Variants in CNBD1 observed in about 807,000 individuals in gnomAD.
CNBD1 encodes the protein cyclic nucleotide-binding domain-containing protein 1.
A neutral mutation model predicts 54.4 loss-of-function variants in CNBD1; 71 were observed. The observed-to-expected ratio is 1.30, with a 90% CI of 1.08 to 1.59. The LOEUF is 1.59. CNBD1 is among the 40% of genes most tolerant of loss of function. The probability of loss-of-function intolerance (pLI) is 0.00; values close to 1 mark genes in which losing one functional copy is unlikely to be tolerated. For synonymous variants in CNBD1, 182 were observed against 170.7 expected, an observed-to-expected ratio of 1.07 and a Z score of -0.51; for missense variants, 659 against 518.0, an observed-to-expected ratio of 1.27 and a Z score of -2.64.
chr8:87,390,471 C>T (rs1043014709), intron 2 of CNBD1, among the ~76,000 whole-genome samples: 1 of 152,106 alleles, frequency 6.6e-6, no homozygotes, highest in Non-Finnish European at 1.5e-5. Context: ...ATTTATGCAG[C>T]CAAAAGAAAC....
At chr8:87,129,270 G>C (rs1812067913) in intron 4 of CNBD1, among the ~76,000 whole-genome samples, 1 of 151,764 alleles carries the variant, frequency 6.6e-6, no homozygotes, top group Non-Finnish European at 1.5e-5. Flanking sequence ...TGTTGGTAGG[G>C]TTTACCAGAA....
intron 6 of CNBD1, among the ~76,000 whole-genome samples, chr8:87,264,872 T>C (rs1369685778): frequency 6.6e-6 from 1 of 152,174 alleles, no homozygotes; most frequent in Non-Finnish European, 1.5e-5. Context: ...GTAAATTTGT[T>C]TAAGTTCTTT....
At chr8:87,272,107 G>A (rs1252402829) in intron 6 of CNBD1, among the ~76,000 whole-genome samples, 1 of 151,780 alleles carries the variant, frequency 6.6e-6, no homozygotes, top group Non-Finnish European at 1.5e-5. Context: ...GGTGATGTGT[G>A]GTGAAGAGAG....
At chr8:87,234,044 A>G (rs1807520737) in intron 5 of CNBD1, among the ~76,000 whole-genome samples, 1 of 152,180 alleles carries the variant, frequency 6.6e-6, no homozygotes, top group Non-Finnish European at 1.5e-5. Context: ...GTTCATCCAT[A>G]AGAAGCAACT....
intron 4 of CNBD1, among the ~76,000 whole-genome samples, chr8:86,958,596 C>G (rs184248255): frequency 1.3e-5 from 2 of 152,128 alleles, no homozygotes; most frequent in African/African-American, 2.4e-5. Context: ...CCTTCTTTGT[C>G]TCTTTTGGTC....
chr8:86,959,221 G>C lies in CNBD1; in HGVS notation c.431+19467G>C, dbSNP rs571896759. Among the ~76,000 whole-genome samples the C allele has an allele frequency of 2.4e-3, 361 of 152,292 alleles. 2 individuals carry two copies. The highest frequency in any genetic ancestry group is 8.5e-3 in the African/African-American group (352 of 41,576). The stretch of plus-strand genomic sequence containing the variant: ...TACAGTTTCTGCCAAGAGATCCACT[G>C]TTAGTCTGATGGGCTTCCCTTTGTG... On this transcript the variant is annotated intron_variant, in intron 4 of 10. Transcript: ENST00000518476.
chr8:87,045,193 C>A (rs1810155656), intron 4 of CNBD1, among the ~76,000 whole-genome samples: 4 of 152,034 alleles, frequency 2.6e-5, no homozygotes. Flanking sequence ...AGTTTAATAG[C>A]CTCTAGGTGA....
chr8:87,047,310 A>G (rs1483539868), intron 4 of CNBD1, among the ~76,000 whole-genome samples: 1 of 152,176 alleles, frequency 6.6e-6, no homozygotes, highest in Non-Finnish European at 1.5e-5. Context: ...ATACCTGACA[A>G]GTTCTTGATG....
At chr8:87,074,820 C>G (rs182195707) in intron 4 of CNBD1, among the ~76,000 whole-genome samples, 1 of 152,296 alleles carries the variant, frequency 6.6e-6, no homozygotes, top group East Asian at 1.9e-4. Flanking sequence ...AATTCACTTG[C>G]CTCTTTCATT....
intron 4 of CNBD1, among the ~76,000 whole-genome samples, chr8:86,988,997 T>C (rs1311300172): frequency 6.6e-6 from 1 of 152,134 alleles, no homozygotes; most frequent in East Asian, 1.9e-4. Flanking sequence ...TCACAGGGAA[T>C]GATGGCTCAT....
At chr8:87,043,730 A>T (rs897018979) in intron 4 of CNBD1, among the ~76,000 whole-genome samples, 3 of 152,168 alleles carry the variant, frequency 2.0e-5, no homozygotes, top group Non-Finnish European at 4.4e-5. Flanking sequence ...AGTTGTTTGC[A>T]TTCTTCCTTA....
chr8:87,039,865 C>T (rs181284771), intron 4 of CNBD1, among the ~76,000 whole-genome samples: 1 of 152,204 alleles, frequency 6.6e-6, no homozygotes, highest in African/African-American at 2.4e-5. Flanking sequence ...AGATAACTCC[C>T]TATGGATATC....
At chr8:87,132,663 AAT>A (rs1812142591) in intron 4 of CNBD1, among the ~76,000 whole-genome samples, 1 of 147,666 alleles carries the variant, frequency 6.8e-6, no homozygotes, top group Non-Finnish European at 1.5e-5. Context: ...ATATATATCT[AAT>A]ATATATGATA....
At chr8:86,989,323 A>ACATACATG (rs1554637065) in intron 4 of CNBD1, among the ~76,000 whole-genome samples, 1,821 of 152,054 alleles carry the variant, frequency 0.012, 30 homozygotes, top group Middle Eastern at 0.041. Context: ...ATACATACAT[A>ACATACATG]CATACATACA....
At chr8:87,394,252 G>T (rs141406767) in intron 2 of CNBD1, among the ~76,000 whole-genome samples, 1 of 151,810 alleles carries the variant, frequency 6.6e-6, no homozygotes, top group Non-Finnish European at 1.5e-5. Context: ...AATGCAAAGC[G>T]TTGCTAAATA....
chr8:87,391,655 G>A (rs1193289685), intron 2 of CNBD1, among the ~76,000 whole-genome samples: 1 of 151,834 alleles, frequency 6.6e-6, no homozygotes, highest in South Asian at 2.1e-4. Flanking sequence ...GACTGAAGTT[G>A]GATCCACACT....
At chr8:87,346,413 CT>C (rs1477399753) in intron 8 of CNBD1, among the ~76,000 whole-genome samples, 2 of 151,780 alleles carry the variant, frequency 1.3e-5, no homozygotes, top group African/African-American at 4.8e-5. Flanking sequence ...TTTAATAATA[CT>C]TTTATTAATT....
intron 6 of CNBD1, among the ~76,000 whole-genome samples, chr8:87,243,778 C>T (rs1192156126): frequency 6.6e-6 from 1 of 151,998 alleles, no homozygotes; most frequent in African/African-American, 2.4e-5. Context: ...AAAACTATTT[C>T]AATTAAACAA....
intron 4 of CNBD1, among the ~76,000 whole-genome samples, chr8:86,992,047 T>C (rs76466059): frequency 0.02 from 3,007 of 152,238 alleles, 99 homozygotes; most frequent in African/African-American, 0.069. Context: ...GTGTAAATTT[T>C]GAGTCTAGAT....
Sources: allele counts gnomAD v4.1 joint callset (sites outside exome capture counted in the v4.1 genomes callset), GRCh38; gene constraint gnomAD v4.1.1; transcripts MANE v1.5; gene names NCBI Gene and HGNC (gene_info 2026-07-23, HGNC 2026-07-21).